CTPS1: variants seen among roughly 807,000 people sequenced by gnomAD.
The protein encoded by CTPS1 is CTP synthase 1.
A neutral mutation model predicts 80.5 loss-of-function variants in CTPS1; 25 were observed. The observed-to-expected ratio is 0.31, with a 90% CI of 0.23 to 0.43. The LOEUF (loss-of-function observed/expected upper bound fraction) is 0.43. Among genes scored for constraint, CTPS1 ranks in the 20% least tolerant of loss-of-function variants. CTPS1 has a pLI of 1.00. For missense variants in CTPS1, 442 were observed against 725.7 expected (o/e 0.61, Z 4.49); for synonymous variants, 267 against 252.5 (o/e 1.06, Z -0.54).
At chr1:41,010,733 A>C (rs1247305781) in intron 18 of CTPS1, among the ~76,000 whole-genome samples, 1 of 152,234 alleles carries the variant, frequency 6.6e-6, no homozygotes, top group Non-Finnish European at 1.5e-5. Context: ...CACTGCTTAG[A>C]GAACTTTTTT....
At chr1:40,987,960 T>G (rs1223583331) in intron 4 of CTPS1, among the ~76,000 whole-genome samples, 2 of 152,186 alleles carry the variant, frequency 1.3e-5, no homozygotes, top group African/African-American at 2.4e-5. Context: ...TCACCCAGGC[T>G]GGAGTCCAGT....
intron 2 of CTPS1, 21 bp downstream of exon 2, chr1:40,983,477 C>T: frequency 6.3e-7 from 1 of 1,578,154 alleles, no homozygotes; most frequent in Non-Finnish European, 8.6e-7. Flanking sequence ...TGGATTTCTT[C>T]ATAATAATTG....
At chr1:41,002,324 C>A in intron 11 of CTPS1, 70 bp downstream of exon 11, 1 of 1,262,740 alleles carries the variant, frequency 7.9e-7, no homozygotes, top group Non-Finnish European at 1.2e-6. Context: ...ACGTGGGAGC[C>A]TATGAACAAA....
In CTPS1 at chr1:41,007,609, T is replaced by C; in HGVS notation, c.1393+64T>C. ...CGTGCCCAGGACGCGTGTCTTAGGG[T>C]GATGCTGTGGCTTCGAGGAGCAGGC... On this transcript the variant is annotated intron_variant, in intron 14 of 18. Transcript: ENST00000650070. This position sits in a 1 kb window ranked among gnomAD's most constrained non-coding sequence, Gnocchi z 4.4. 1 of 1,410,934 alleles carries C rather than the reference T, an allele frequency of 7.1e-7. No homozygotes were observed. The highest frequency in any genetic ancestry group is 1.0e-6 in the Non-Finnish European group (1 of 1,003,140). 87.4% of individuals were successfully genotyped at this position (1,410,934 alleles called of 1,614,324 possible).
chr1:40,992,336 A>C (rs767804319), intron 7 of CTPS1, among the ~76,000 whole-genome samples: 18 of 151,998 alleles, frequency 1.2e-4, no homozygotes, highest in Admixed American at 2.6e-4. Flanking sequence ...TGATGGGCCC[A>C]TCTTTCTGGT....
intron 4 of CTPS1, 62 bp from the exon 5 acceptor site, chr1:40,988,532 G>C: frequency 9.0e-7 from 1 of 1,108,666 alleles, no homozygotes; most frequent in Non-Finnish European, 1.4e-6. Context: ...ACAGTTGTTA[G>C]AAAACTAAAC....
intron 12 of CTPS1, 110 bp downstream of exon 12, chr1:41,003,286 T>C: frequency 8.5e-7 from 1 of 1,174,634 alleles, no homozygotes; most frequent in South Asian, 1.3e-5. Flanking sequence ...CAGGCCTGGG[T>C]TCCTAGCACC....
chr1:40,984,843 T>C lies in CTPS1; in HGVS notation c.189T>C (p.Asp63=). ...CAGGTGAGGTTTTTGTGCTGGATGA[T>C]GGTGGGGAAGTAGACCTTGACCTGG... ...YEHGEVFVLD[D]GGEVDLDLGN... Residue 63 remains aspartate (D), a synonymous_variant, in exon 3 of 19, where the codon GAT becomes GAC. Coordinates refer to ENST00000650070, the MANE Select transcript of CTPS1 (RefSeq NM_001905.4). The C allele has an allele frequency of 6.3e-7, 1 of 1,576,782 alleles. No homozygotes were observed. Among genetic ancestry groups the C allele is most frequent in the Non-Finnish European group, 8.7e-7 (1 of 1,155,988 alleles).
intron 3 of CTPS1, among the ~76,000 whole-genome samples, chr1:40,985,417 C>G (rs1033003363): frequency 6.6e-6 from 1 of 152,240 alleles, no homozygotes; most frequent in Non-Finnish European, 1.5e-5. Context: ...GGTTTCCAGG[C>G]CGTTCATCAG....
rs969365602 is a variant in CTPS1 at position 41,011,814 on chromosome 1, G to T, written c.*166G>T. 2 of 152,116 alleles carry T rather than the reference G, an allele frequency of 1.3e-5. No individual in the cohort carries two copies. Among genetic ancestry groups the T allele is most frequent in the African/African-American group, 2.4e-5 (1 of 41,428 alleles). 9.4% of individuals were successfully genotyped at this position (152,116 alleles called of 1,614,324 possible). On this transcript the variant is annotated 3_prime_UTR_variant, in exon 19 of 19. Coordinates refer to ENST00000650070, the MANE Select transcript of CTPS1 (RefSeq NM_001905.4). ...ACTTGTCACTTGCATGTCCCATCACGTGTACTGGCTCCTCTGTGGTGTCTG... is the reference window on the plus strand; with the variant it reads ...ACTTGTCACTTGCATGTCCCATCACTTGTACTGGCTCCTCTGTGGTGTCTG...
At chr1:40,983,238 G>A (rs779769756) in intron 1 of CTPS1, 40 bp from the exon 2 acceptor site, 17 of 1,563,158 alleles carry the variant, frequency 1.1e-5, no homozygotes, top group Non-Finnish European at 1.5e-5. Flanking sequence ...TTGGTTTGTT[G>A]AGATACATTT....
chr1:40,986,770 T>C (rs923389159), intron 3 of CTPS1, among the ~76,000 whole-genome samples: 7 of 152,204 alleles, frequency 4.6e-5, no homozygotes. Context: ...TTACAGGTGC[T>C]GTCTCACAAA....
intron 7 of CTPS1, among the ~76,000 whole-genome samples, chr1:40,993,774 CTTTTTTTTTTT>C (rs71278720): frequency 3.5e-5 from 3 of 85,772 alleles, no homozygotes; most frequent in South Asian, 5.0e-4. Context: ...TTTCTTCTCT[CTTTTTTTTTTT>C]TTTTTTTTTT....
At chr1:40,985,509 ATT>A (rs1642429369) in intron 3 of CTPS1, among the ~76,000 whole-genome samples, 1 of 151,892 alleles carries the variant, frequency 6.6e-6, no homozygotes, top group South Asian at 2.1e-4. Context: ...GCTTACATCT[ATT>A]TGCTGTTTTG....
chr1:40,982,639 C>T (rs1283971267), intron 1 of CTPS1, among the ~76,000 whole-genome samples: 1 of 152,224 alleles, frequency 6.6e-6, no homozygotes, highest in East Asian at 1.9e-4. Context: ...ATCCTCCTGG[C>T]TCTGCCTCCC....
intron 7 of CTPS1, among the ~76,000 whole-genome samples, chr1:40,994,604 T>C (rs1642706022): frequency 6.6e-6 from 1 of 152,212 alleles, no homozygotes; most frequent in Non-Finnish European, 1.5e-5. Context: ...TCTTTTGGTT[T>C]TTATGGATAA....
At chr1:40,984,458 A>G (rs1360843137) in intron 2 of CTPS1, among the ~76,000 whole-genome samples, 1 of 152,258 alleles carries the variant, frequency 6.6e-6, no homozygotes, top group Non-Finnish European at 1.5e-5. Flanking sequence ...ACTTTAAACC[A>G]TATTATGCTC....
intron 18 of CTPS1, among the ~76,000 whole-genome samples, 158 bp downstream of exon 18, chr1:41,010,412 G>A (rs1643143061): frequency 6.6e-6 from 1 of 152,218 alleles, no homozygotes; most frequent in South Asian, 2.1e-4. Flanking sequence ...AGAAAAGAAA[G>A]TAGTGAGGTC....
intron 7 of CTPS1, 113 bp downstream of exon 7, chr1:40,991,958 C>T: frequency 1.0e-5 from 8 of 786,522 alleles, no homozygotes; most frequent in Non-Finnish European, 1.7e-5. Flanking sequence ...GTGGGCTGTT[C>T]CAGAAGAACC....
Sources: gnomAD v4.1 joint callset for allele counts (sites outside exome capture counted in the v4.1 genomes callset) on GRCh38, gnomAD v4.1.1 for gene constraint, Gnocchi (gnomAD v3.1) non-coding constraint, MANE v1.5 for transcripts, NCBI Gene and HGNC (gene_info 2026-07-23, HGNC 2026-07-21) for gene names.